The following SACM1L variants were observed in gnomAD, a reference collection of about 807,000 sequenced individuals.
SACM1L encodes phosphatidylinositol-3-phosphatase SAC1.
In SACM1L, 32 loss-of-function variants were observed where a neutral mutation model predicts 89.5. The observed-to-expected ratio is 0.36, with a 90% CI of 0.27 to 0.48. SACM1L has a LOEUF of 0.48. SACM1L is among the 20% of genes least tolerant of loss of function. SACM1L has a pLI of 0.99. For missense variants in SACM1L, 543 were observed against 708.5 expected (o/e 0.77, Z 2.65); for synonymous variants, 213 against 232.8 (o/e 0.92, Z 0.77).
rs141319095 is a variant in SACM1L at position 45,715,910 on chromosome 3, T to C, written c.577+1831T>C. ...CAATATTAAGTGAGATTATAGAACC[T>C]TTTTTTCTAGGCAATTTTAGAAACA... On this transcript the variant is annotated intron_variant, in intron 7 of 19. Transcript: ENST00000389061. 3.3e-5 allele frequency among the ~76,000 whole-genome samples: 5 copies of C among 152,236 alleles called. No individual in the cohort carries two copies. The East Asian group carries it at 9.6e-4, about 29-fold the overall frequency.
intron 8 of SACM1L, among the ~76,000 whole-genome samples, chr3:45,719,964 T>A (rs1365928119): frequency 6.6e-6 from 1 of 152,236 alleles, no homozygotes; most frequent in Non-Finnish European, 1.5e-5. Flanking sequence ...GTCATTTGGC[T>A]TTGTGCCTTC....
intron 1 of SACM1L, among the ~76,000 whole-genome samples, chr3:45,698,345 A>G (rs1355999890): frequency 6.6e-6 from 1 of 152,202 alleles, no homozygotes; most frequent in Non-Finnish European, 1.5e-5. Context: ...ATTCCCTGGC[A>G]GTCACTGTTC....
rs141978059 is a variant in SACM1L at position 45,710,224 on chromosome 3, A to G, written c.483+577A>G. Among the ~76,000 whole-genome samples the G allele has an allele frequency of 4.6e-3, 694 of 150,566 alleles. 5 individuals are homozygous for G. Among genetic ancestry groups the G allele is most frequent in the African/African-American group, 0.016 (655 of 41,030 alleles). On this transcript the variant is annotated intron_variant, in intron 5 of 19. Transcript: ENST00000389061. ...TGCTTTTTTTTTTTTTCTTTGAGAC[A>G]GAGTCTCACTCTGTCACCTAGGCTG...
Position 45,689,432 on chromosome 3 carries a change from G to A in SACM1L, c.-34G>A. 6.4e-7 allele frequency: 1 copy of A among 1,555,066 alleles called. No homozygotes were observed. The highest frequency in any genetic ancestry group is 2.4e-5 in the East Asian group (1 of 41,436). The stretch of plus-strand genomic sequence containing the variant: ...CGAGGTGGCGGCGCGGGGCGGGGCG[G>A]GCGGAGAGAGAAGGAAGGAGGTGGT... On this transcript the variant is annotated 5_prime_UTR_variant, in exon 1 of 20. Coordinates refer to ENST00000389061, the MANE Select transcript of SACM1L (RefSeq NM_014016.5).
At chr3:45,729,082 A>G (rs556430690) in intron 11 of SACM1L, among the ~76,000 whole-genome samples, 7 of 151,704 alleles carry the variant, frequency 4.6e-5, no homozygotes, top group African/African-American at 7.3e-5. Context: ...GGATTTATTT[A>G]TTTATTTATT....
chr3:45,713,333 G>A, intron 6 of SACM1L, 137 bp downstream of exon 6: 2 of 660,574 alleles, frequency 3.0e-6, no homozygotes, highest in East Asian at 5.7e-5. Context: ...TACAAACTTG[G>A]ATCAGGTCTA....
chr3:45,699,310 ATAG>A (rs1186650601), intron 1 of SACM1L, among the ~76,000 whole-genome samples: 4 of 151,420 alleles, frequency 2.6e-5, no homozygotes, highest in Admixed American at 6.6e-5. Flanking sequence ...TAAAAAAATA[ATAG>A]TAGCAGTAAT....
chr3:45,738,589 G>T lies in SACM1L; in HGVS notation c.1394G>T (p.Arg465Ile). Residue 465 changes from arginine to isoleucine, a missense_variant, in exon 17 of 20, where the codon AGA becomes ATA. Coordinates refer to ENST00000389061, the MANE Select transcript of SACM1L (RefSeq NM_014016.5). ...ACCTCTTTAACCAGAACTGGAAAGAGAACTCATTTGGGACTTATAATGGAT... is the reference window on the plus strand; with the variant it reads ...ACCTCTTTAACCAGAACTGGAAAGATAACTCATTTGGGACTTATAATGGAT... ...LKTDFTRTGK[R>I]THLGLIMDGW... 1.2e-6 allele frequency: 2 copies of T among 1,609,514 alleles called. No homozygotes were observed. The highest frequency in any genetic ancestry group is 1.7e-4 in the Middle Eastern group (1 of 5,988).
intron 12 of SACM1L, 43 bp from the exon 13 acceptor site, chr3:45,732,009 TG>T: frequency 8.7e-7 from 1 of 1,152,750 alleles, no homozygotes; most frequent in Non-Finnish European, 1.3e-6. Context: ...AGAAGGAAAA[TG>T]AATGATCTCT....
At chr3:45,741,297 C>T (rs141449725) in intron 19 of SACM1L, among the ~76,000 whole-genome samples, 14 of 152,304 alleles carry the variant, frequency 9.2e-5, no homozygotes, top group African/African-American at 3.4e-4. Flanking sequence ...CACTCCTGGT[C>T]CTCTCTCCCA....
chr3:45,738,976 CATTACATGAAATAT>C (rs1371390288), intron 18 of SACM1L, 103 bp downstream of exon 18: 2 of 700,852 alleles, frequency 2.9e-6, no homozygotes, highest in African/African-American at 3.6e-5. Context: ...TTTTATATTT[CATTACATGAAATAT>C]AAATACTTAA....
intron 11 of SACM1L, among the ~76,000 whole-genome samples, 161 bp downstream of exon 11, chr3:45,723,704 C>A (rs1228654711): frequency 6.6e-6 from 1 of 152,000 alleles, no homozygotes; most frequent in African/African-American, 2.4e-5. Flanking sequence ...TTTCATCATA[C>A]CAGACAGAAA....
At position 45,704,400 on chromosome 3, in the gene SACM1L, G is replaced by A. The variant is rs183614028; in HGVS notation, c.131-735G>A. On this transcript the variant is annotated intron_variant, in intron 2 of 19. Transcript: ENST00000389061. Reference sequence around the variant, plus strand: ...AAATTTCTGTTTTTTTGATTATGTGGTAATTCTGGTAGGTACTATATATAG... The same window carrying A: ...AAATTTCTGTTTTTTTGATTATGTGATAATTCTGGTAGGTACTATATATAG... Among the ~76,000 whole-genome samples, 292 of 152,198 alleles carry A rather than the reference G, an allele frequency of 1.9e-3. 1 individual carries two copies. The highest frequency in any genetic ancestry group is 6.0e-3 in the East Asian group (31 of 5,186).
At chr3:45,714,241 GTT>G (rs71619608) in intron 7 of SACM1L, among the ~76,000 whole-genome samples, 162 bp downstream of exon 7, 1 of 9,142 alleles carries the variant, frequency 1.1e-4, no homozygotes. Flanking sequence ...TATTTTGTTT[GTT>G]TTTTTTTTTT....
chr3:45,709,352 A>G (rs1698469896), intron 4 of SACM1L, 146 bp from the exon 5 acceptor site: 6 of 634,844 alleles, frequency 9.5e-6, no homozygotes, highest in Non-Finnish European at 1.6e-5. Context: ...TCCCAGGGAA[A>G]TGGCGAGCAT....
At chr3:45,741,581 C>A (rs150856983) in intron 19 of SACM1L, among the ~76,000 whole-genome samples, 348 of 152,266 alleles carry the variant, frequency 2.3e-3, no homozygotes, top group African/African-American at 8.1e-3. Flanking sequence ...ATTCTGTCAC[C>A]TTTTTGATAG....
chr3:45,737,436 C>T, intron 14 of SACM1L, 147 bp from the exon 15 acceptor site: 1 of 789,502 alleles, frequency 1.3e-6, no homozygotes, highest in Non-Finnish European at 2.1e-6. Context: ...CTGCTGTGAG[C>T]TGGGGCCCCC....
At chr3:45,711,846 G>C (rs1364340432) in intron 5 of SACM1L, among the ~76,000 whole-genome samples, 2 of 152,174 alleles carry the variant, frequency 1.3e-5, no homozygotes, top group Non-Finnish European at 2.9e-5. Flanking sequence ...GACACTTACA[G>C]AGAAATCTGT....
chr3:45,698,306 A>G (rs1359917497), intron 1 of SACM1L, among the ~76,000 whole-genome samples: 1 of 152,210 alleles, frequency 6.6e-6, no homozygotes, highest in Non-Finnish European at 1.5e-5. Flanking sequence ...GTGAGTCATT[A>G]CTTCTAATGA....
Sources: gnomAD v4.1 joint callset for allele counts (sites outside exome capture counted in the v4.1 genomes callset) on GRCh38, gnomAD v4.1.1 for gene constraint, MANE v1.5 for transcripts, NCBI Gene and HGNC (gene_info 2026-07-23, HGNC 2026-07-21) for gene names.